The following RBFOX3 variants were observed in gnomAD, a reference collection of about 807,000 sequenced individuals.
RBFOX3 encodes RNA binding fox-1 homolog 3, also known as RNA binding protein fox-1 homolog 3.
A neutral mutation model predicts 48.7 loss-of-function variants in RBFOX3; 17 were observed. The observed-to-expected ratio is 0.35, with a 90% CI of 0.24 to 0.52. The LOEUF (loss-of-function observed/expected upper bound fraction) is 0.52. RBFOX3 is among the 20% of genes least tolerant of loss of function. RBFOX3 has a pLI of 0.94. For missense variants in RBFOX3, 382 were observed against 497.5 expected (o/e 0.77, Z 2.21); for synonymous variants, 212 against 209.5 (o/e 1.01, Z -0.10).
chr17:79,540,353 G>A (rs2089498267), intron 1 of RBFOX3, among the ~76,000 whole-genome samples: 1 of 152,354 alleles, frequency 6.6e-6, no homozygotes, highest in Admixed American at 6.5e-5. Flanking sequence ...CCCGGTGCAC[G>A]GAAGGGAGTC....
At position 79,299,117 on chromosome 17, in the gene RBFOX3, T is replaced by A. The variant is rs1452806565; in HGVS notation, c.-74+8607A>T. On this transcript the variant is annotated intron_variant, in intron 3 of 14. Coordinates refer to ENST00000693108, the MANE Select transcript of RBFOX3 (RefSeq NM_001350451.2). The surrounding 1 kb of genome is among the most constrained non-coding windows in gnomAD (Gnocchi z 4.5). ...TACGGGAGGGACATGGGAAATGAAC[T>A]AATAAATAAGAGGCCAGGTGTGGTA... Among the ~76,000 whole-genome samples the A allele has an allele frequency of 2.0e-5, 3 of 147,634 alleles. No homozygotes were observed. Among genetic ancestry groups the A allele is most frequent in the Non-Finnish European group, 4.5e-5 (3 of 67,194 alleles).
At chr17:79,455,134 T>A (rs8075765) in intron 2 of RBFOX3, among the ~76,000 whole-genome samples, 73,142 of 151,592 alleles carry the variant, frequency 0.48, 19,374 homozygotes, top group Non-Finnish European at 0.59. Context: ...AGCATCCCCC[T>A]CCATGGGATG....
Position 79,408,057 on chromosome 17 carries a change from C to T in RBFOX3, c.-175+74397G>A, listed in dbSNP as rs572888021. On this transcript the variant is annotated intron_variant, in intron 2 of 14. Coordinates refer to ENST00000693108, the MANE Select transcript of RBFOX3 (RefSeq NM_001350451.2). ...AGCCCCACTTCCGATCCTGCCCTGA[C>T]GCTTGCCAGCTGTGAGACCCCAGGA... is the stretch of plus-strand genomic sequence containing the variant. Among the ~76,000 whole-genome samples, 250 of 152,272 alleles carry T rather than the reference C, an allele frequency of 1.6e-3. 2 individuals are homozygous for T. The highest frequency in any genetic ancestry group is 6.8e-3 in the Middle Eastern group (2 of 294).
intron 2 of RBFOX3, among the ~76,000 whole-genome samples, chr17:79,376,848 AG>A (rs1424431040): frequency 6.6e-6 from 1 of 152,092 alleles, no homozygotes; most frequent in African/African-American, 2.4e-5. Flanking sequence ...CTGGTTTCTC[AG>A]GGTTCCATTT....
chr17:79,596,880 C>T (rs1325843019), intron 1 of RBFOX3, among the ~76,000 whole-genome samples: 1 of 152,198 alleles, frequency 6.6e-6, no homozygotes, highest in Non-Finnish European at 1.5e-5. Flanking sequence ...CAGTACGTCC[C>T]ACTTGCTCAC....
intron 1 of RBFOX3, among the ~76,000 whole-genome samples, chr17:79,517,463 A>G (rs2149946477): frequency 6.8e-6 from 1 of 146,650 alleles, no homozygotes; most frequent in South Asian, 2.2e-4. Flanking sequence ...AAAAAAAAAC[A>G]AACAAAAACA....
chr17:79,143,717 C>A (rs1053316849), intron 4 of RBFOX3, among the ~76,000 whole-genome samples: 3 of 152,228 alleles, frequency 2.0e-5, no homozygotes, highest in African/African-American at 7.2e-5. Flanking sequence ...GGCCCCCACA[C>A]CTGGAAGCCA....
chr17:79,496,390 C>T (rs1360937114), intron 1 of RBFOX3, among the ~76,000 whole-genome samples: 1 of 152,136 alleles, frequency 6.6e-6, no homozygotes, highest in East Asian at 1.9e-4. Flanking sequence ...GGGGCTCTTC[C>T]TCTCTCTAGG....
intron 1 of RBFOX3, among the ~76,000 whole-genome samples, chr17:79,514,815 A>C (rs896884449): frequency 7.9e-5 from 12 of 152,210 alleles, no homozygotes; most frequent in Non-Finnish European, 1.5e-4. Flanking sequence ...GGCCCAGTGC[A>C]TGTGAACGTC....
chr17:79,115,701 G>GGGGGGGGGGGGGGGGGGGC lies in RBFOX3; in HGVS notation c.14_15insGCCCCCCCCCCCCCCCCCC (p.Tyr5Ter). On this transcript the variant is annotated stop_gained and frameshift_variant, in exon 5 of 15. Transcript: ENST00000693108. LOFTEE classifies it high-confidence loss of function. ...GCGGAGGGGGGTACTGGGCGGGGGG[G>GGGGGGGGGGGGGGGGGGGC]TAGGGCTGGGCCATCGCTTCAGGCG... 2 of 415,912 alleles carry GGGGGGGGGGGGGGGGGGGC rather than the reference G, an allele frequency of 4.8e-6. No homozygotes were observed. Among genetic ancestry groups the GGGGGGGGGGGGGGGGGGGC allele is most frequent in the Non-Finnish European group, 4.5e-6 (1 of 222,390 alleles). The allele number at this position is 415,912 out of a possible 1,614,324, so 25.8% of individuals were successfully genotyped here.
At chr17:79,312,095 C>T (rs777899776) in intron 2 of RBFOX3, among the ~76,000 whole-genome samples, 1 of 152,104 alleles carries the variant, frequency 6.6e-6, no homozygotes, top group Non-Finnish European at 1.5e-5. Flanking sequence ...AGCAGCGCTA[C>T]CGTACTGTAA....
chr17:79,482,050 C>A lies in RBFOX3; in HGVS notation c.-175+404G>T, dbSNP rs1439545512. 1.3e-5 allele frequency among the ~76,000 whole-genome samples: 2 copies of A among 152,134 alleles called. No homozygotes were observed. The highest frequency in any genetic ancestry group is 2.9e-5 in the Non-Finnish European group (2 of 68,026). On this transcript the variant is annotated intron_variant, in intron 2 of 14. Coordinates refer to ENST00000693108, the MANE Select transcript of RBFOX3 (RefSeq NM_001350451.2). This position sits in a 1 kb window ranked among gnomAD's most constrained non-coding sequence, Gnocchi z 4.1. ...AGAGCCACAGGAAGGCTTCAGGGCCCTCCCTGAGCCGCGGAGCAATCTGGG... is the reference window on the plus strand; with the variant it reads ...AGAGCCACAGGAAGGCTTCAGGGCCATCCCTGAGCCGCGGAGCAATCTGGG...
chr17:79,446,257 G>A (rs2072271278), intron 2 of RBFOX3, among the ~76,000 whole-genome samples: 1 of 152,270 alleles, frequency 6.6e-6, no homozygotes, highest in African/African-American at 2.4e-5. Flanking sequence ...CAAGGACACA[G>A]GATTCCACAC....
intron 1 of RBFOX3, among the ~76,000 whole-genome samples, chr17:79,555,656 T>TG (rs2091664857): frequency 4.5e-5 from 1 of 22,162 alleles, no homozygotes; most frequent in Non-Finnish European, 1.3e-4. Context: ...GTGGTGGTGG[T>TG]GGTGGTGATG....
chr17:79,236,347 G>A (rs2061634482), intron 3 of RBFOX3, among the ~76,000 whole-genome samples: 1 of 152,068 alleles, frequency 6.6e-6, no homozygotes, highest in Non-Finnish European at 1.5e-5. Context: ...GGAATGCAAT[G>A]GTGCGATCTT....
intron 1 of RBFOX3, among the ~76,000 whole-genome samples, chr17:79,498,609 T>C (rs1462142852): frequency 7.3e-6 from 1 of 136,152 alleles, no homozygotes; most frequent in Non-Finnish European, 1.6e-5. Flanking sequence ...CATCCATCCA[T>C]GCATCTATCC....
chr17:79,101,968 T>A (rs1045205598), intron 8 of RBFOX3, among the ~76,000 whole-genome samples: 1 of 152,198 alleles, frequency 6.6e-6, no homozygotes, highest in Non-Finnish European at 1.5e-5. Context: ...GAGTGCTCTC[T>A]GACCAGAACC....
chr17:79,222,719 C>T (rs1263469722), intron 4 of RBFOX3, among the ~76,000 whole-genome samples: 1 of 152,222 alleles, frequency 6.6e-6, no homozygotes, highest in Non-Finnish European at 1.5e-5. Flanking sequence ...GCTGTCCCTG[C>T]CCTGGGCACA....
chr17:79,302,776 T>C (rs993678730), intron 3 of RBFOX3, among the ~76,000 whole-genome samples: 52 of 152,330 alleles, frequency 3.4e-4, no homozygotes, highest in African/African-American at 1.2e-3. Context: ...TTTTGGTTGG[T>C]AGTAGTTGGG....
Sources: allele counts gnomAD v4.1 joint callset (sites outside exome capture counted in the v4.1 genomes callset), GRCh38; gene constraint gnomAD v4.1.1; non-coding constraint Gnocchi (gnomAD v3.1); transcripts MANE v1.5; gene names NCBI Gene and HGNC (gene_info 2026-07-23, HGNC 2026-07-21).